The following ANO4 variants were observed in gnomAD, a reference collection of about 807,000 sequenced individuals.
ANO4 encodes the protein anoctamin 4.
A neutral mutation model predicts 141.9 loss-of-function variants in ANO4; 69 were observed. The ratio of observed to expected loss-of-function variants is 0.49; its 90% CI spans 0.40 to 0.59. The LOEUF is 0.59. ANO4 is among the 20% of genes least tolerant of loss of function. ANO4 has a pLI of 0.00. For synonymous variants in ANO4, 350 were observed against 394.3 expected, an observed-to-expected ratio of 0.89 and a Z score of 1.33; for missense variants, 894 against 1,162.2, an observed-to-expected ratio of 0.77 and a Z score of 3.36.
chr12:100,999,252 C>A (rs750012428), intron 8 of ANO4, among the ~76,000 whole-genome samples: 4 of 152,208 alleles, frequency 2.6e-5, no homozygotes, highest in African/African-American at 4.8e-5. Context: ...GAATCTATTT[C>A]TTTGCCTTTT....
In ANO4 at chr12:101,067,300, C is replaced by T. The variant is rs113016642; in HGVS notation, c.1313-11893C>T. 7.9e-3 allele frequency among the ~76,000 whole-genome samples: 1,209 copies of T among 152,198 alleles called. 14 individuals are homozygous for T. The highest frequency in any genetic ancestry group is 0.027 in the African/African-American group (1,137 of 41,534). On this transcript the variant is annotated intron_variant, in intron 14 of 27. Transcript: ENST00000392977. ...AGTGTAATGACTTTAGTCTTATTTA[C>T]CTTTAGGTTTGGTTTTTCTCTGGTA...
At chr12:100,798,232 T>G (rs905356614) in intron 1 of ANO4, among the ~76,000 whole-genome samples, 1 of 152,192 alleles carries the variant, frequency 6.6e-6, no homozygotes, top group Non-Finnish European at 1.5e-5. Context: ...ATGAACCATA[T>G]CATTAGAATG....
chr12:100,826,515 C>T (rs1395496053), intron 1 of ANO4, among the ~76,000 whole-genome samples: 1 of 151,974 alleles, frequency 6.6e-6, no homozygotes, highest in African/African-American at 2.4e-5. Context: ...TCCATACCAG[C>T]GTGTTGGGTG....
chr12:101,065,706 T>C (rs1414525962), intron 14 of ANO4, among the ~76,000 whole-genome samples: 4 of 152,172 alleles, frequency 2.6e-5, no homozygotes, highest in African/African-American at 9.7e-5. Flanking sequence ...ATAGCAATCC[T>C]ACTTGAACTG....
intron 3 of ANO4, among the ~76,000 whole-genome samples, chr12:100,762,477 C>T (rs2032909095): frequency 6.6e-6 from 1 of 152,158 alleles, no homozygotes; most frequent in Non-Finnish European, 1.5e-5. Context: ...GACTAGACTA[C>T]CTTTTCCCAG....
At chr12:100,843,783 A>G (rs1289107093) in intron 1 of ANO4, among the ~76,000 whole-genome samples, 1 of 152,222 alleles carries the variant, frequency 6.6e-6, no homozygotes, top group Non-Finnish European at 1.5e-5. Context: ...GTGGAATGGA[A>G]TAATCTGAGA....
At chr12:100,881,009 G>C (rs1040110769) in intron 1 of ANO4, among the ~76,000 whole-genome samples, 3 of 151,782 alleles carry the variant, frequency 2.0e-5, no homozygotes, top group African/African-American at 7.3e-5. Flanking sequence ...TCCCACCTAT[G>C]AGTGAGAACA....
intron 5 of ANO4, among the ~76,000 whole-genome samples, chr12:100,952,043 T>G (rs1313197888): frequency 2.0e-5 from 3 of 152,190 alleles, no homozygotes; most frequent in Non-Finnish European, 4.4e-5. Context: ...GTTTGACCCT[T>G]GATCCAATAT....
At chr12:101,074,797 T>G (rs1424636706) in intron 14 of ANO4, among the ~76,000 whole-genome samples, 2 of 152,228 alleles carry the variant, frequency 1.3e-5, no homozygotes, top group African/African-American at 4.8e-5. Flanking sequence ...TATCTTAATT[T>G]CTTATAAGCA....
chr12:100,922,232 G>A lies in ANO4; in HGVS notation c.62G>A (p.Gly21Asp), dbSNP rs1382621245. 3 of 1,530,922 alleles carry A rather than the reference G, an allele frequency of 2.0e-6. No homozygotes were observed. The Admixed American group carries it at 6.0e-5, about 31-fold the overall frequency. The allele number at this position is 1,530,922 out of a possible 1,614,324, so 94.8% of individuals were successfully genotyped here. The change falls in exon 3 of 28, where the codon GGT (glycine) becomes GAT (aspartate). Residue 21 changes from glycine (G) to aspartate (D), a missense_variant. Gly to Asp is a moderately conservative substitution (Grantham distance 94). Around this residue, in one of 2 missense-constraint regions of ANO4, gnomAD observed 257 missense variants for 253.0 expected, o/e 1.02. Transcript: ENST00000392977. ...ATATCTTTCATTTCTCTAGAAGGAGGTGTGGATTTGCAAGGCTACCAGCTG... is the reference window on the plus strand; with the variant it reads ...ATATCTTTCATTTCTCTAGAAGGAGATGTGGATTTGCAAGGCTACCAGCTG... The part of the protein sequence containing the change: ...GKTKVFHPEG[G>D]VDLQGYQLDM...
intron 5 of ANO4, among the ~76,000 whole-genome samples, chr12:100,959,117 GAC>G (rs60652065): frequency 6.6e-6 from 1 of 151,596 alleles, no homozygotes; most frequent in African/African-American, 2.4e-5. Context: ...CCCCTCCACA[GAC>G]ACACACACAC....
At chr12:100,938,788 A>G (rs1255085113) in intron 3 of ANO4, among the ~76,000 whole-genome samples, 2 of 152,214 alleles carry the variant, frequency 1.3e-5, no homozygotes, top group Non-Finnish European at 2.9e-5. Flanking sequence ...ATCTAAGTGC[A>G]TGCTTTATTG....
chr12:100,900,718 C>T (rs998543955), intron 1 of ANO4, among the ~76,000 whole-genome samples: 27 of 152,058 alleles, frequency 1.8e-4, no homozygotes, highest in African/African-American at 6.5e-4. Flanking sequence ...GGACAGAAAA[C>T]CAAAAAATCC....
At chr12:100,932,411 C>T (rs1248854944) in intron 3 of ANO4, among the ~76,000 whole-genome samples, 1 of 150,094 alleles carries the variant, frequency 6.7e-6, no homozygotes, top group African/African-American at 2.5e-5. Flanking sequence ...ACTTTGTTCT[C>T]TTGCCTGGAA....
At chr12:100,973,351 G>T (rs562588365) in intron 6 of ANO4, among the ~76,000 whole-genome samples, 2 of 152,032 alleles carry the variant, frequency 1.3e-5, no homozygotes, top group African/African-American at 4.8e-5. Flanking sequence ...ATTTTAATAC[G>T]CAAAGAATCT....
intron 22 of ANO4, among the ~76,000 whole-genome samples, chr12:101,104,502 T>C (rs2050329980): frequency 6.6e-6 from 1 of 150,778 alleles, no homozygotes; most frequent in Admixed American, 6.6e-5. Context: ...CTAAAGAGTT[T>C]TGATATATTG....
chr12:100,858,046 T>A (rs1318722419), intron 1 of ANO4, among the ~76,000 whole-genome samples: 2 of 152,168 alleles, frequency 1.3e-5, no homozygotes, highest in Admixed American at 1.3e-4. Flanking sequence ...TATTGAGGAC[T>A]TCATGAGTTG....
intron 3 of ANO4, among the ~76,000 whole-genome samples, chr12:100,757,332 T>G (rs2032656736): frequency 6.6e-6 from 1 of 152,212 alleles, no homozygotes; most frequent in South Asian, 2.1e-4. Flanking sequence ...GCTGTCGACT[T>G]AATCTCTCTA....
chr12:100,966,347 A>T (rs2136250785), intron 5 of ANO4, among the ~76,000 whole-genome samples: 1 of 152,074 alleles, frequency 6.6e-6, no homozygotes, highest in East Asian at 1.9e-4. Context: ...ATTTGAACAA[A>T]CTGAGGCACA....
Sources: allele counts gnomAD v4.1 joint callset (sites outside exome capture counted in the v4.1 genomes callset), GRCh38; gene constraint gnomAD v4.1.1; regional missense constraint gnomAD v4.1.1; transcripts MANE v1.5; gene names NCBI Gene and HGNC (gene_info 2026-07-23, HGNC 2026-07-21).